The following AFG1L variants were observed in gnomAD, a reference collection of about 807,000 sequenced individuals.
AFG1L encodes the protein AFG1 like ATPase.
In AFG1L, 53 loss-of-function variants were observed where a neutral mutation model predicts 62.2. The ratio of observed to expected loss-of-function variants is 0.85; its 90% CI spans 0.68 to 1.07. The LOEUF (loss-of-function observed/expected upper bound fraction) is 1.07. AFG1L is among the 50% of genes least tolerant of loss of function. AFG1L has a pLI of 0.00. For missense variants in AFG1L, 555 were observed against 590.5 expected (o/e 0.94, Z 0.62); for synonymous variants, 228 against 210.3 (o/e 1.08, Z -0.73).
chr6:108,364,535 A>AT (rs1229731276), intron 5 of AFG1L, among the ~76,000 whole-genome samples: 1 of 152,150 alleles, frequency 6.6e-6, no homozygotes, highest in African/African-American at 2.4e-5. Flanking sequence ...TCAAATGACC[A>AT]TTTTTATTCT....
chr6:108,415,962 A>G (rs1432448453), intron 7 of AFG1L, among the ~76,000 whole-genome samples: 2 of 152,256 alleles, frequency 1.3e-5, no homozygotes, highest in Admixed American at 1.3e-4. Flanking sequence ...AGCAAAAGAA[A>G]CTACCATCAG....
At chr6:108,453,368 T>G (rs1278401633) in intron 8 of AFG1L, among the ~76,000 whole-genome samples, 1 of 152,268 alleles carries the variant, frequency 6.6e-6, no homozygotes, top group African/African-American at 2.4e-5. Flanking sequence ...CTTTTACTAG[T>G]GGAAGTTTTA....
At chr6:108,483,746 G>A (rs765174620) in intron 10 of AFG1L, among the ~76,000 whole-genome samples, 2 of 152,148 alleles carry the variant, frequency 1.3e-5, no homozygotes, top group Non-Finnish European at 1.5e-5. Flanking sequence ...ATGGGTGTAC[G>A]CATTGCTCAC....
At chr6:108,353,930 A>G (rs1779172837) in intron 3 of AFG1L, among the ~76,000 whole-genome samples, 1 of 152,246 alleles carries the variant, frequency 6.6e-6, no homozygotes, top group Non-Finnish European at 1.5e-5. Flanking sequence ...GCCCAGTGTC[A>G]TCTTGTGGCT....
chr6:108,348,652 T>G (rs1284779849), intron 3 of AFG1L, among the ~76,000 whole-genome samples: 1 of 151,840 alleles, frequency 6.6e-6, no homozygotes, highest in Non-Finnish European at 1.5e-5. Flanking sequence ...AATGTATACT[T>G]ACTTCTTATT....
intron 7 of AFG1L, among the ~76,000 whole-genome samples, chr6:108,440,501 A>G (rs1326451867): frequency 1.3e-5 from 2 of 152,144 alleles, no homozygotes; most frequent in African/African-American, 2.4e-5. Context: ...GAATCAAGTA[A>G]AATGATATAT....
intron 6 of AFG1L, among the ~76,000 whole-genome samples, chr6:108,399,692 T>TA (rs1220121770): frequency 6.1e-5 from 9 of 148,454 alleles, no homozygotes; most frequent in East Asian, 2.0e-4. Flanking sequence ...TTTTTTTTTT[T>TA]AAAATACTGG....
rs1562098490 is a variant in AFG1L at position 108,346,873 on chromosome 6, ATTG to A, written c.364-113_364-111del. 7 of 734,756 alleles carry A rather than the reference ATTG, an allele frequency of 9.5e-6. No individual in the cohort carries two copies. In the African/African-American group the frequency reaches 1.1e-4, roughly 12 times the overall value. 45.5% of individuals were successfully genotyped at this position (734,756 alleles called of 1,614,324 possible). A position where few individuals can be genotyped will look rare whatever the true frequency, so the allele number is the denominator to read the frequency against. ...TTTATATCAAGTTTTTTTCTTACTTATTGTATATAATAGCCCCTCTTGGTTCTG... is the reference window on the plus strand; with the variant it reads ...TTTATATCAAGTTTTTTTCTTACTTATATATAATAGCCCCTCTTGGTTCTG... On this transcript the variant is annotated intron_variant, in intron 2 of 12. Transcript: ENST00000368977.
At chr6:108,377,915 G>A (rs1394848275) in intron 6 of AFG1L, among the ~76,000 whole-genome samples, 1 of 150,822 alleles carries the variant, frequency 6.6e-6, no homozygotes, top group African/African-American at 2.4e-5. Flanking sequence ...TATTTTCCAA[G>A]TTGTTTGCTT....
intron 7 of AFG1L, among the ~76,000 whole-genome samples, chr6:108,446,091 CACACACACACA>C (rs1562166629): frequency 1.1e-4 from 16 of 142,124 alleles, no homozygotes; most frequent in African/African-American, 2.9e-4. Flanking sequence ...CACACACACA[CACACACACACA>C]CCCCTACATA....
intron 8 of AFG1L, among the ~76,000 whole-genome samples, chr6:108,464,502 T>A (rs1244870862): frequency 6.6e-6 from 1 of 152,206 alleles, no homozygotes; most frequent in Non-Finnish European, 1.5e-5. Context: ...CAGGGTACTG[T>A]ACTCACAGGA....
At chr6:108,477,359 T>C (rs1191244061) in intron 10 of AFG1L, 67 bp downstream of exon 10, 12 of 863,920 alleles carry the variant, frequency 1.4e-5, no homozygotes, top group Non-Finnish European at 1.8e-5. Flanking sequence ...TGTTTTCCTC[T>C]CTGCCCATTT....
rs189737114 is a variant in AFG1L at position 108,523,871 on chromosome 6, A to G, written c.*1446A>G. On this transcript the variant is annotated 3_prime_UTR_variant, in exon 13 of 13. Coordinates refer to ENST00000368977, the MANE Select transcript of AFG1L (RefSeq NM_145315.5). ...AGATATTTTTATTGAAGTGAAACAC[A>G]GTAATTTCAAAGAGGTTACGTAATA... is the stretch of plus-strand genomic sequence containing the variant. 2.5e-4 allele frequency: 38 copies of G among 152,348 alleles called. No homozygotes were observed. Among genetic ancestry groups the G allele is most frequent in the Admixed American group, 2.0e-3 (31 of 15,300 alleles). 9.4% of individuals were successfully genotyped at this position (152,348 alleles called of 1,614,324 possible).
rs572981996 is a variant in AFG1L at position 108,297,300 on chromosome 6, G to A, written c.139+2082G>A. On this transcript the variant is annotated intron_variant, in intron 1 of 12. Transcript: ENST00000368977. ...TTTTTGTATTTTTAGTAGAGATGGG[G>A]TTTCACCATGTTGGGCAGGCTGGTC... Among the ~76,000 whole-genome samples the A allele has an allele frequency of 3.9e-5, 6 of 152,088 alleles. No individual in the cohort carries two copies. The South Asian group carries it at 1.2e-3, about 32-fold the overall frequency.
intron 7 of AFG1L, among the ~76,000 whole-genome samples, chr6:108,416,024 T>C (rs942462943): frequency 2.0e-5 from 3 of 152,224 alleles, no homozygotes; most frequent in African/African-American, 7.2e-5. Flanking sequence ...TCTACTCATC[T>C]GACAAAGGGC....
At chr6:108,453,005 G>A (rs1300456459) in intron 8 of AFG1L, among the ~76,000 whole-genome samples, 4 of 152,224 alleles carry the variant, frequency 2.6e-5, no homozygotes, top group Non-Finnish European at 5.9e-5. Flanking sequence ...TACTCAGCAA[G>A]ATGTGATGGA....
rs1562098574 is a variant in AFG1L, at chr6:108,346,987, G to C, written c.364-1G>C. On this transcript the variant is annotated splice_acceptor_variant, in intron 2 of 12. Transcript: ENST00000368977. LOFTEE classifies it high-confidence loss of function. ...ATTTATAATTTGTTCTTAATTTGCA[G>C]CTTTTTTCAAGGAGCAAACCTCCAA... 3 of 1,610,180 alleles carry C rather than the reference G, an allele frequency of 1.9e-6. No homozygotes were observed. The highest frequency in any genetic ancestry group is 1.7e-5 in the Admixed American group (1 of 59,918).
At chr6:108,477,777 C>T (rs1773171473) in intron 10 of AFG1L, among the ~76,000 whole-genome samples, 1 of 152,060 alleles carries the variant, frequency 6.6e-6, no homozygotes, top group Non-Finnish European at 1.5e-5. Flanking sequence ...ACTGTGGCAT[C>T]TATATTATAT....
chr6:108,303,694 A>G (rs1777095268), intron 1 of AFG1L, among the ~76,000 whole-genome samples: 1 of 152,214 alleles, frequency 6.6e-6, no homozygotes, highest in Non-Finnish European at 1.5e-5. Flanking sequence ...AAGCCTGAGC[A>G]TGTAATTCTT....
Sources: gnomAD v4.1 joint callset for allele counts (sites outside exome capture counted in the v4.1 genomes callset) on GRCh38, gnomAD v4.1.1 for gene constraint, MANE v1.5 for transcripts, NCBI Gene and HGNC (gene_info 2026-07-23, HGNC 2026-07-21) for gene names.